Variants in SRPK2 observed in about 807,000 individuals in gnomAD.
The protein encoded by SRPK2 is SFRS protein kinase 2.
In SRPK2, 21 loss-of-function variants were observed where a neutral mutation model predicts 90.8. That is an observed-to-expected ratio of 0.23 (90% CI 0.16 to 0.33). SRPK2 has a LOEUF of 0.33. Ranked by LOEUF, SRPK2 falls within the 10% of genes least tolerant of loss-of-function variation. The probability of loss-of-function intolerance (pLI) is 1.00; values close to 1 mark genes in which losing one functional copy is unlikely to be tolerated. For missense variants in SRPK2, 620 were observed against 869.0 expected (o/e 0.71, Z 3.60); for synonymous variants, 288 against 311.1 (o/e 0.93, Z 0.78).
chr7:105,133,401 G>A (rs778452743), intron 11 of SRPK2, among the ~76,000 whole-genome samples: 4 of 152,188 alleles, frequency 2.6e-5, no homozygotes, highest in Non-Finnish European at 4.4e-5. Flanking sequence ...AGCCAGCCTT[G>A]CTGTCCCCCT....
intron 6 of SRPK2, among the ~76,000 whole-genome samples, chr7:105,165,653 G>A (rs1404053856): frequency 6.6e-6 from 1 of 152,106 alleles, no homozygotes; most frequent in Admixed American, 6.5e-5. Context: ...TCTACCTAAA[G>A]GATTGTAAAT....
At chr7:105,324,914 T>C (rs1813390701) in intron 2 of SRPK2, among the ~76,000 whole-genome samples, 1 of 152,138 alleles carries the variant, frequency 6.6e-6, no homozygotes, top group Non-Finnish European at 1.5e-5. Context: ...TAAAAAAATC[T>C]GTTACCATTA....
At chr7:105,264,118 G>T (rs1405459941) in intron 2 of SRPK2, among the ~76,000 whole-genome samples, 2 of 152,176 alleles carry the variant, frequency 1.3e-5, no homozygotes, top group Non-Finnish European at 2.9e-5. Context: ...CATCATAAAA[G>T]AAAATATATC....
chr7:105,129,061 C>T (rs2129574380), intron 13 of SRPK2, among the ~76,000 whole-genome samples: 1 of 152,290 alleles, frequency 6.6e-6, no homozygotes, highest in African/African-American at 2.4e-5. Flanking sequence ...TGCAAGCTCA[C>T]ACCATTCTCC....
chr7:105,235,170 G>GT (rs1369423901), intron 2 of SRPK2, among the ~76,000 whole-genome samples: 1 of 152,148 alleles, frequency 6.6e-6, no homozygotes, highest in African/African-American at 2.4e-5. Context: ...GAAACTACAA[G>GT]TATTATTTGG....
At chr7:105,333,666 T>C (rs1289748453) in intron 2 of SRPK2, among the ~76,000 whole-genome samples, 1 of 152,196 alleles carries the variant, frequency 6.6e-6, no homozygotes, top group East Asian at 1.9e-4. Context: ...TGTACAGTTT[T>C]ATGAGGGAGA....
intron 2 of SRPK2, among the ~76,000 whole-genome samples, chr7:105,362,864 C>A (rs1818594931): frequency 6.6e-6 from 1 of 152,064 alleles, no homozygotes; most frequent in African/African-American, 2.4e-5. Flanking sequence ...TACTATGCAG[C>A]CATAAAAAAG....
rs533292985 is a variant in SRPK2, at chr7:105,352,480, G to A, written c.71+36168C>T. On this transcript the variant is annotated intron_variant, in intron 2 of 15. Coordinates refer to ENST00000393651, the MANE Select transcript of SRPK2 (RefSeq NM_182692.3). ...CCTCAGCCAAGCCTTCAAAATGACT[G>A]CAACCCTGAGCCAGAACCACCCCAC... is the stretch of plus-strand genomic sequence containing the variant. Among the ~76,000 whole-genome samples, 4 of 152,326 alleles carry A rather than the reference G, an allele frequency of 2.6e-5. No homozygotes were observed. The East Asian group carries it at 7.7e-4, about 29-fold the overall frequency.
At chr7:105,173,259 C>A (rs1791388018) in intron 3 of SRPK2, among the ~76,000 whole-genome samples, 1 of 152,138 alleles carries the variant, frequency 6.6e-6, no homozygotes. Flanking sequence ...TACATGCCAC[C>A]ATGCCTGGCT....
At chr7:105,204,090 C>G (rs549877462) in intron 2 of SRPK2, among the ~76,000 whole-genome samples, 6 of 152,214 alleles carry the variant, frequency 3.9e-5, no homozygotes, top group Non-Finnish European at 8.8e-5. Context: ...CAACTCCTAC[C>G]AATTCTGGGA....
intron 2 of SRPK2, among the ~76,000 whole-genome samples, 181 bp from the exon 3 acceptor site, chr7:105,203,966 G>A (rs1031433835): frequency 8.1e-5 from 4 of 49,194 alleles, no homozygotes; most frequent in Non-Finnish European, 2.3e-4. Flanking sequence ...ATATAAGTCA[G>A]GCCAAAAAAA....
At chr7:105,338,776 T>G (rs1815414999) in intron 2 of SRPK2, among the ~76,000 whole-genome samples, 1 of 152,214 alleles carries the variant, frequency 6.6e-6, no homozygotes, top group Admixed American at 6.5e-5. Context: ...ATATTTCACT[T>G]TTTTCCTGTA....
chr7:105,249,820 C>G (rs1701826692), intron 2 of SRPK2, among the ~76,000 whole-genome samples: 1 of 152,148 alleles, frequency 6.6e-6, no homozygotes, highest in African/African-American at 2.4e-5. Context: ...CATAAATGAA[C>G]TTTTAACTTC....
rs796493977 is a variant in SRPK2 at position 105,334,986 on chromosome 7, C to T, written c.71+53662G>A. ...GAGTTCGATATCAGTCTGGCCAACA[C>T]GGTGAAACCCCGTCTCTACTACAAA... On this transcript the variant is annotated intron_variant, in intron 2 of 15. Transcript: ENST00000393651. Among the ~76,000 whole-genome samples the T allele has an allele frequency of 4.1e-4, 59 of 144,074 alleles. 2 individuals are homozygous for T. Among genetic ancestry groups the T allele is most frequent in the Middle Eastern group, 3.9e-3 (1 of 258 alleles). 94.5% of individuals were successfully genotyped at this position (144,074 alleles called of 152,430 possible).
intron 3 of SRPK2, among the ~76,000 whole-genome samples, chr7:105,192,586 T>C (rs1585122751): frequency 6.6e-6 from 1 of 152,246 alleles, no homozygotes. Context: ...GCTGGATCAA[T>C]GGTAGTTCTA....
intron 2 of SRPK2, among the ~76,000 whole-genome samples, chr7:105,269,986 G>A (rs1206836485): frequency 6.6e-6 from 1 of 152,124 alleles, no homozygotes; most frequent in Non-Finnish European, 1.5e-5. Context: ...TTTTTAAGCA[G>A]TAAAGCAAAT....
intron 2 of SRPK2, among the ~76,000 whole-genome samples, chr7:105,240,226 G>T (rs755800722): frequency 3.9e-5 from 6 of 152,094 alleles, no homozygotes; most frequent in Non-Finnish European, 7.3e-5. Flanking sequence ...GCCTTTCTCA[G>T]TCCTCTTTAT....
chr7:105,160,687 G>C (rs764891331), intron 6 of SRPK2, 74 bp from the exon 7 acceptor site: 6 of 810,674 alleles, frequency 7.4e-6, no homozygotes, highest in Non-Finnish European at 1.3e-5. Context: ...GCACCATTGT[G>C]TCACTTGCAA....
chr7:105,349,234 T>A (rs1427542667), intron 2 of SRPK2, among the ~76,000 whole-genome samples: 4 of 146,534 alleles, frequency 2.7e-5, no homozygotes, highest in Non-Finnish European at 6.0e-5. Context: ...TACGAAAGAA[T>A]TAAGGGGGCC....
Sources: gnomAD v4.1 joint callset for allele counts (sites outside exome capture counted in the v4.1 genomes callset) on GRCh38, gnomAD v4.1.1 for gene constraint, MANE v1.5 for transcripts, NCBI Gene and HGNC (gene_info 2026-07-23, HGNC 2026-07-21) for gene names.